SAXO1: variants seen among roughly 807,000 people sequenced by gnomAD.
SAXO1 encodes the protein stabilizer of axonemal microtubules 1.
A neutral mutation model predicts 17.5 loss-of-function variants in SAXO1; 21 were observed. The observed-to-expected ratio is 1.20, with a 90% CI of 0.85 to 1.72. SAXO1 has a LOEUF of 1.72. Among genes scored for constraint, SAXO1 ranks in the 40% most tolerant of loss-of-function variants. SAXO1 has a pLI of 0.00. For missense variants in SAXO1, 843 were observed against 596.0 expected (o/e 1.41, Z -4.32); for synonymous variants, 274 against 216.5 (o/e 1.27, Z -2.33).
intron 1 of SAXO1, among the ~76,000 whole-genome samples, chr9:18,991,556 G>T (rs537492413): frequency 6.6e-6 from 1 of 152,008 alleles, no homozygotes. Flanking sequence ...TCACACCCTG[G>T]GGCTTGTCGC....
chr9:18,927,887 CCT>C lies in SAXO1; in HGVS notation c.*163_*164del, dbSNP rs3839881. ...TAGCCGGTGATTAAATGTCATTTTC[CCT>C]GAGTCAAGTGATTCTCATTTTATTC... On this transcript the variant is annotated 3_prime_UTR_variant, in exon 4 of 4. Coordinates refer to ENST00000380534, the MANE Select transcript of SAXO1 (RefSeq NM_153707.4). The C allele has an allele frequency of 0.088, 61,904 of 703,160 alleles. 3,340 individuals are homozygous for C. Among genetic ancestry groups the C allele is most frequent in the East Asian group, 0.21 (7,572 of 36,096 alleles). 43.6% of individuals were successfully genotyped at this position (703,160 alleles called of 1,614,324 possible). A position where few individuals can be genotyped will look rare whatever the true frequency, so the allele number is the denominator to read the frequency against.
intron 1 of SAXO1, among the ~76,000 whole-genome samples, chr9:18,977,646 A>C (rs1414844448): frequency 6.6e-6 from 1 of 152,180 alleles, no homozygotes; most frequent in Non-Finnish European, 1.5e-5. Flanking sequence ...GGGACCCATG[A>C]GCCACTTGGA....
At chr9:18,957,790 C>T (rs1238712700) in intron 1 of SAXO1, among the ~76,000 whole-genome samples, 1 of 152,168 alleles carries the variant, frequency 6.6e-6, no homozygotes, top group African/African-American at 2.4e-5. Context: ...TTAACAACCC[C>T]CACAACCCAA....
At position 19,046,698 on chromosome 9, in the gene SAXO1, G is replaced by A. The variant is rs1447654562; in HGVS notation, c.-158+2511C>T. On this transcript the variant is annotated intron_variant, in intron 1 of 3. Coordinates refer to the SAXO1 transcript ENST00000542071. ...GCCTGGGCAACAAGAGCAAAACTTCGTCTCAGAAAAAAAAAAAAAAAATTA... is the reference window on the plus strand; with the variant it reads ...GCCTGGGCAACAAGAGCAAAACTTCATCTCAGAAAAAAAAAAAAAAAATTA... Among the ~76,000 whole-genome samples, 5 of 133,272 alleles carry A rather than the reference G, an allele frequency of 3.8e-5. No homozygotes were observed. The East Asian group carries it at 6.1e-4, about 16-fold the overall frequency. The allele number at this position is 133,272 out of a possible 152,430, so 87.4% of individuals were successfully genotyped here.
In SAXO1 at chr9:19,049,045, G is replaced by A. The variant is rs1294964808; in HGVS notation, c.-158+164C>T. Among the ~76,000 whole-genome samples the A allele has an allele frequency of 2.6e-5, 4 of 152,266 alleles. No individual in the cohort carries two copies. The highest frequency in any genetic ancestry group is 2.0e-4 in the Admixed American group (3 of 15,300). On this transcript the variant is annotated intron_variant, in intron 1 of 3. Transcript: ENST00000542071. This position sits in a 1 kb window ranked among gnomAD's most constrained non-coding sequence, Gnocchi z 5.4. ...GGCCGGGCAAGCTGGGGAGGCCTAA[G>A]CGGACTGGGAAGTTAGGCTTTCCCT...
At chr9:19,044,229 C>T (rs111543327) in intron 1 of SAXO1, among the ~76,000 whole-genome samples, 12 of 152,164 alleles carry the variant, frequency 7.9e-5, no homozygotes, top group African/African-American at 2.7e-4. Flanking sequence ...ATTATTATGC[C>T]TTGCATGCCT....
At chr9:19,006,362 A>G (rs907303248) in intron 1 of SAXO1, among the ~76,000 whole-genome samples, 1 of 152,230 alleles carries the variant, frequency 6.6e-6, no homozygotes, top group African/African-American at 2.4e-5. Flanking sequence ...AGTAGAAACA[A>G]CTCAAATGTC....
chr9:18,994,303 A>G (rs1047255862), intron 1 of SAXO1, among the ~76,000 whole-genome samples: 1 of 152,238 alleles, frequency 6.6e-6, no homozygotes, highest in Non-Finnish European at 1.5e-5. Context: ...TTTTATGACG[A>G]CAATGTGCCA....
In SAXO1 at chr9:18,938,426, C is replaced by T. The variant is rs552769181; in HGVS notation, c.421+3211G>A. On this transcript the variant is annotated intron_variant, in intron 3 of 3. Coordinates refer to ENST00000380534, the MANE Select transcript of SAXO1 (RefSeq NM_153707.4). ...GCAAAGTGCAATAAGGCATCCTACACGGCAGGAGCAGGACAGAGAGCGCGA... is the reference window on the plus strand; with the variant it reads ...GCAAAGTGCAATAAGGCATCCTACATGGCAGGAGCAGGACAGAGAGCGCGA... 3.3e-4 allele frequency among the ~76,000 whole-genome samples: 50 copies of T among 152,140 alleles called. No individual in the cohort carries two copies. In the South Asian group the frequency reaches 6.9e-3, roughly 21 times the overall value.
At chr9:18,984,248 G>C (rs1243003128) in intron 1 of SAXO1, among the ~76,000 whole-genome samples, 1 of 152,152 alleles carries the variant, frequency 6.6e-6, no homozygotes, top group Admixed American at 6.5e-5. Context: ...TACTTCTTAA[G>C]GGTCCTAGGA....
At chr9:18,989,363 C>T (rs1462551838) in intron 1 of SAXO1, among the ~76,000 whole-genome samples, 1 of 152,136 alleles carries the variant, frequency 6.6e-6, no homozygotes, top group Non-Finnish European at 1.5e-5. Flanking sequence ...TTAATACTGT[C>T]TGCATTGATG....
In SAXO1 at chr9:19,044,953, C is replaced by T. The variant is rs562874727; in HGVS notation, c.-158+4256G>A. On this transcript the variant is annotated intron_variant, in intron 1 of 3. Coordinates refer to the SAXO1 transcript ENST00000542071. ...CAGAACCTCCAAATGGTTCAAGAAT[C>T]GGTAGCATCAGTGAGAGCAGAGACT... Among the ~76,000 whole-genome samples, 4 of 152,042 alleles carry T rather than the reference C, an allele frequency of 2.6e-5. No individual in the cohort carries two copies. In the East Asian group the frequency reaches 7.8e-4, roughly 30 times the overall value.
chr9:18,977,313 C>T (rs1320505304), intron 1 of SAXO1, among the ~76,000 whole-genome samples: 1 of 152,192 alleles, frequency 6.6e-6, no homozygotes, highest in Non-Finnish European at 1.5e-5. Flanking sequence ...ATAGCAGGCT[C>T]ACTAGTAATA....
chr9:18,930,214 TGAAGAATGAG>T (rs1425864031), intron 3 of SAXO1, among the ~76,000 whole-genome samples: 1 of 152,198 alleles, frequency 6.6e-6, no homozygotes, highest in African/African-American at 2.4e-5. Flanking sequence ...TCAGAATGTT[TGAAGAATGAG>T]AAGAACTGGC....
intron 1 of SAXO1, among the ~76,000 whole-genome samples, chr9:18,984,489 G>A (rs913693013): frequency 3.4e-4 from 51 of 152,182 alleles, no homozygotes; most frequent in African/African-American, 1.1e-3. Flanking sequence ...TAGATTTTCC[G>A]GATAACTTGC....
chr9:18,951,793 G>A (rs571432634), intron 1 of SAXO1, among the ~76,000 whole-genome samples: 1 of 152,252 alleles, frequency 6.6e-6, no homozygotes, highest in South Asian at 2.1e-4. Context: ...CACTGTACGT[G>A]TACACTGTAC....
At chr9:18,984,979 T>C (rs1272849830) in intron 1 of SAXO1, among the ~76,000 whole-genome samples, 1 of 152,154 alleles carries the variant, frequency 6.6e-6, no homozygotes, top group African/African-American at 2.4e-5. Context: ...TAGAAACCAC[T>C]AAGTGCTTTA....
intron 1 of SAXO1, among the ~76,000 whole-genome samples, chr9:19,043,414 G>A (rs558933087): frequency 1.3e-5 from 2 of 152,066 alleles, no homozygotes; most frequent in Non-Finnish European, 2.9e-5. Flanking sequence ...ATAACAGGGG[G>A]GTTAAGCGGG....
At chr9:19,011,273 C>T (rs1036593015) in intron 1 of SAXO1, among the ~76,000 whole-genome samples, 1 of 152,200 alleles carries the variant, frequency 6.6e-6, no homozygotes, top group Non-Finnish European at 1.5e-5. Context: ...TATCAAACTA[C>T]CTGCTGAGGC....
Sources: allele counts gnomAD v4.1 joint callset (sites outside exome capture counted in the v4.1 genomes callset), GRCh38; gene constraint gnomAD v4.1.1; non-coding constraint Gnocchi (gnomAD v3.1); transcripts MANE v1.5; gene names NCBI Gene and HGNC (gene_info 2026-07-23, HGNC 2026-07-21).